The following LHFPL3 variants were observed in gnomAD, a reference collection of about 807,000 sequenced individuals.
LHFPL3 encodes the protein LHFPL tetraspan subfamily member 3 protein.
Under a neutral mutation model 19.3 loss-of-function variants are expected in LHFPL3, and 5 were observed. The ratio of observed to expected loss-of-function variants is 0.26; its 90% confidence interval spans 0.14 to 0.54. The LOEUF (loss-of-function observed/expected upper bound fraction) is 0.54, where lower values mean the gene tolerates loss of function less well. Among genes scored for constraint, LHFPL3 ranks in the 20% least tolerant of loss-of-function variants. The pLI, the probability that LHFPL3 is intolerant of heterozygous loss-of-function variation, is 0.94. For missense variants in LHFPL3, 249 were observed against 307.4 expected (o/e 0.81, Z 1.42); for synonymous variants, 133 against 126.2 (o/e 1.05, Z -0.36).
At chr7:104,498,353 T>C (rs909634291) in intron 1 of LHFPL3, among the ~76,000 whole-genome samples, 3 of 152,216 alleles carry the variant, frequency 2.0e-5, no homozygotes, top group Non-Finnish European at 4.4e-5. Context: ...GCTTCCCTTG[T>C]CACTCATTTC....
chr7:104,353,067 T>C (rs900459268), intron 1 of LHFPL3, among the ~76,000 whole-genome samples: 1 of 152,176 alleles, frequency 6.6e-6, no homozygotes, highest in African/African-American at 2.4e-5. Context: ...GGGGTTAAAA[T>C]TTACTGGTTT....
At chr7:104,705,637 T>C (rs1199692055) in intron 1 of LHFPL3, among the ~76,000 whole-genome samples, 1 of 152,210 alleles carries the variant, frequency 6.6e-6, no homozygotes, top group Non-Finnish European at 1.5e-5. Flanking sequence ...CTTCATAGTT[T>C]AGTTACCTTT....
chr7:104,368,421 C>A (rs1790538095), intron 1 of LHFPL3, among the ~76,000 whole-genome samples: 1 of 152,140 alleles, frequency 6.6e-6, no homozygotes, highest in Non-Finnish European at 1.5e-5. Flanking sequence ...ACAAGAAACT[C>A]CAGGACCCAG....
At chr7:104,602,585 G>T (rs931650392) in intron 1 of LHFPL3, among the ~76,000 whole-genome samples, 1 of 152,192 alleles carries the variant, frequency 6.6e-6, no homozygotes, top group Non-Finnish European at 1.5e-5. Context: ...AAGTGGTAAA[G>T]TTCCCATAAT....
chr7:104,645,376 A>C (rs2115912723), intron 1 of LHFPL3, among the ~76,000 whole-genome samples: 1 of 152,324 alleles, frequency 6.6e-6, no homozygotes, highest in Admixed American at 6.5e-5. Flanking sequence ...TGGGAGACAA[A>C]AGTGCATTAG....
rs869215991 is a variant in LHFPL3, at chr7:104,835,764, ATT to A, written c.683-70415_683-70414del. On this transcript the variant is annotated intron_variant, in intron 2 of 2. Coordinates refer to ENST00000424859, the MANE Select transcript of LHFPL3 (RefSeq NM_199000.3). ...TTGATCTACACGTTAAATTATTATTATTTTTTTTTACTTTAAGTTCTGTGATA... is the reference window on the plus strand; with the variant it reads ...TTGATCTACACGTTAAATTATTATTATTTTTTTACTTTAAGTTCTGTGATA... Among the ~76,000 whole-genome samples the A allele has an allele frequency of 6.1e-3, 338 of 55,068 alleles. 2 individuals are homozygous for A. The highest frequency in any genetic ancestry group is 0.015 in the Non-Finnish European group (218 of 14,426). The allele number at this position is 55,068 out of a possible 152,430, so 36.1% of individuals were successfully genotyped here.
intron 1 of LHFPL3, among the ~76,000 whole-genome samples, chr7:104,545,495 G>A (rs1584392493): frequency 6.6e-6 from 1 of 152,100 alleles, no homozygotes. Context: ...ATAAAGAAGG[G>A]CTCTGATACC....
At chr7:104,838,122 C>T (rs564167277) in intron 2 of LHFPL3, among the ~76,000 whole-genome samples, 2 of 152,290 alleles carry the variant, frequency 1.3e-5, no homozygotes, top group South Asian at 4.1e-4. Flanking sequence ...GGCCATCCTG[C>T]AATTAGCCAT....
At chr7:104,561,832 T>C (rs1384791740) in intron 1 of LHFPL3, among the ~76,000 whole-genome samples, 1 of 152,208 alleles carries the variant, frequency 6.6e-6, no homozygotes, top group Non-Finnish European at 1.5e-5. Flanking sequence ...GGTTGTTCCT[T>C]TCCATGTTTA....
intron 2 of LHFPL3, among the ~76,000 whole-genome samples, chr7:104,905,708 T>G (rs1792584310): frequency 6.6e-6 from 1 of 152,208 alleles, no homozygotes; most frequent in Admixed American, 6.5e-5. Flanking sequence ...CCCATTTAGA[T>G]AAGGAATGGA....
intron 1 of LHFPL3, among the ~76,000 whole-genome samples, chr7:104,421,513 G>A (rs551599765): frequency 6.6e-6 from 1 of 152,262 alleles, no homozygotes; most frequent in Non-Finnish European, 1.5e-5. Flanking sequence ...ATTGGGAAGA[G>A]GTCATGAAGA....
chr7:104,519,725 A>G (rs41063), intron 1 of LHFPL3, among the ~76,000 whole-genome samples: 5,341 of 152,198 alleles, frequency 0.035, 307 homozygotes, highest in African/African-American at 0.12. Flanking sequence ...GACTATTAAC[A>G]CTGTGGTACC....
At chr7:104,361,922 T>C (rs1349634427) in intron 1 of LHFPL3, among the ~76,000 whole-genome samples, 2 of 152,222 alleles carry the variant, frequency 1.3e-5, no homozygotes, top group African/African-American at 4.8e-5. Context: ...ACTGTGATTA[T>C]TGGTCAGAAA....
intron 1 of LHFPL3, among the ~76,000 whole-genome samples, chr7:104,388,264 T>C (rs1357134088): frequency 6.6e-6 from 1 of 152,212 alleles, no homozygotes; most frequent in Non-Finnish European, 1.5e-5. Context: ...GCATATGTCT[T>C]TATGGTATAA....
intron 1 of LHFPL3, among the ~76,000 whole-genome samples, chr7:104,610,620 G>A (rs1445653272): frequency 1.3e-5 from 2 of 152,086 alleles, no homozygotes; most frequent in Non-Finnish European, 2.9e-5. Flanking sequence ...TAATGTCTCA[G>A]CTCAATGACA....
At chr7:104,805,382 C>T (rs151106571) in intron 2 of LHFPL3, among the ~76,000 whole-genome samples, 1 of 152,188 alleles carries the variant, frequency 6.6e-6, no homozygotes, top group African/African-American at 2.4e-5. Context: ...AGATGCGACT[C>T]AAATGAATGT....
intron 1 of LHFPL3, among the ~76,000 whole-genome samples, chr7:104,595,631 G>T (rs1313813464): frequency 6.6e-6 from 1 of 152,268 alleles, no homozygotes; most frequent in Non-Finnish European, 1.5e-5. Flanking sequence ...TGCAGAAGTT[G>T]TCTGCTGCCT....
At chr7:104,358,623 G>A (rs1457333178) in intron 1 of LHFPL3, among the ~76,000 whole-genome samples, 1 of 152,214 alleles carries the variant, frequency 6.6e-6, no homozygotes, top group African/African-American at 2.4e-5. Flanking sequence ...AGACAATACA[G>A]CATTGGGTGA....
chr7:104,763,139 G>A (rs1584521080), intron 2 of LHFPL3, among the ~76,000 whole-genome samples: 2 of 152,278 alleles, frequency 1.3e-5, no homozygotes, highest in East Asian at 3.9e-4. Context: ...TCACAGCGAA[G>A]TACCCATGTC....
Sources: gnomAD v4.1 joint callset for allele counts (sites outside exome capture counted in the v4.1 genomes callset) on GRCh38, gnomAD v4.1.1 for gene constraint, MANE v1.5 for transcripts, NCBI Gene and HGNC (gene_info 2026-07-23, HGNC 2026-07-21) for gene names.